Variants in NRG3 observed in about 807,000 individuals in gnomAD.
NRG3 encodes pro-neuregulin-3, membrane-bound isoform.
A neutral mutation model predicts 66.9 loss-of-function variants in NRG3; 31 were observed. The ratio of observed to expected loss-of-function variants is 0.46; its 90% CI spans 0.35 to 0.63. The LOEUF (loss-of-function observed/expected upper bound fraction) is 0.63, where lower values mean the gene tolerates loss of function less well. Ranked by LOEUF, NRG3 falls within the 20% of genes least tolerant of loss-of-function variation. NRG3 has a pLI of 0.00. For synonymous variants in NRG3, 393 were observed against 359.4 expected (o/e 1.09, Z -1.06); for missense variants, 910 against 878.9 (o/e 1.04, Z -0.45).
At chr10:81,965,755 T>TATATTTTG (rs1419803997) in intron 1 of NRG3, among the ~76,000 whole-genome samples, 2 of 152,184 alleles carry the variant, frequency 1.3e-5, no homozygotes, top group African/African-American at 4.8e-5. Context: ...CTTGAATCTG[T>TATATTTTG]ATATTTTGAT....
intron 6 of NRG3, 85 bp downstream of exon 6, chr10:82,959,160 G>C: frequency 7.0e-7 from 1 of 1,423,810 alleles, no homozygotes; most frequent in Non-Finnish European, 9.3e-7. Flanking sequence ...GATCAGACTT[G>C]TAAATATTTT....
intron 2 of NRG3, among the ~76,000 whole-genome samples, chr10:82,386,935 G>A (rs2086037376): frequency 6.6e-6 from 1 of 152,126 alleles, no homozygotes; most frequent in African/African-American, 2.4e-5. Flanking sequence ...GAGTAGCTGG[G>A]TTTACAGGCA....
At chr10:81,920,878 C>CT (rs1202034348) in intron 1 of NRG3, among the ~76,000 whole-genome samples, 14 of 152,082 alleles carry the variant, frequency 9.2e-5, no homozygotes, top group African/African-American at 3.4e-4. Flanking sequence ...AACAGGATTC[C>CT]TTTGTTCATT....
chr10:82,812,055 G>A (rs187134966), intron 3 of NRG3, among the ~76,000 whole-genome samples: 13 of 152,300 alleles, frequency 8.5e-5, no homozygotes, highest in Non-Finnish European at 1.2e-4. Flanking sequence ...TAGCTCAGCT[G>A]AGTTAAATGA....
chr10:82,897,685 A>G (rs1293456048), intron 4 of NRG3, among the ~76,000 whole-genome samples: 2 of 151,844 alleles, frequency 1.3e-5, no homozygotes, highest in Non-Finnish European at 2.9e-5. Context: ...TGCCCAGCTA[A>G]TTGTTGTATT....
chr10:82,524,189 A>G (rs374031784), intron 2 of NRG3, among the ~76,000 whole-genome samples: 4 of 152,056 alleles, frequency 2.6e-5, no homozygotes, highest in South Asian at 2.1e-4. Flanking sequence ...ATCATCTCCA[A>G]TAGTAACCCA....
At chr10:82,045,415 T>C (rs2063233732) in intron 1 of NRG3, among the ~76,000 whole-genome samples, 2 of 95,748 alleles carry the variant, frequency 2.1e-5, no homozygotes, top group Non-Finnish European at 4.6e-5. Flanking sequence ...GATGGGGTTG[T>C]TTGTTTTTTT....
At chr10:82,681,579 T>A (rs554855114) in intron 2 of NRG3, among the ~76,000 whole-genome samples, 1 of 152,314 alleles carries the variant, frequency 6.6e-6, no homozygotes, top group East Asian at 1.9e-4. Flanking sequence ...AATATTCTCC[T>A]GAAGTAAATA....
intron 1 of NRG3, among the ~76,000 whole-genome samples, chr10:81,938,191 T>C (rs1163242250): frequency 6.6e-6 from 1 of 152,152 alleles, no homozygotes; most frequent in African/African-American, 2.4e-5. Context: ...TGCTTTTCTT[T>C]CTTTGTTTTG....
intron 6 of NRG3, among the ~76,000 whole-genome samples, chr10:82,969,653 C>T (rs112923764): frequency 1.9e-3 from 290 of 152,330 alleles, no homozygotes; most frequent in African/African-American, 6.8e-3. Flanking sequence ...GAAAATAAAA[C>T]ATTTAATTGG....
At chr10:82,686,009 G>A (rs922581948) in intron 2 of NRG3, among the ~76,000 whole-genome samples, 1 of 152,022 alleles carries the variant, frequency 6.6e-6, no homozygotes. Context: ...ACTGCCTGAG[G>A]CTATTTTACA....
intron 1 of NRG3, among the ~76,000 whole-genome samples, chr10:82,349,543 G>T (rs1361362102): frequency 2.6e-5 from 4 of 152,018 alleles, no homozygotes; most frequent in African/African-American, 9.7e-5. Flanking sequence ...GCCCTCAGAG[G>T]TGGAGCCTAC....
intron 1 of NRG3, among the ~76,000 whole-genome samples, chr10:82,025,447 T>C (rs1244626312): frequency 6.6e-6 from 1 of 151,908 alleles, no homozygotes; most frequent in East Asian, 1.9e-4. Flanking sequence ...TTATAAATAA[T>C]AGTATGTTTA....
chr10:82,170,677 TATATATATATATATATATATGTAA>T (rs2072526150), intron 1 of NRG3, among the ~76,000 whole-genome samples: 2 of 112,984 alleles, frequency 1.8e-5, no homozygotes, highest in African/African-American at 3.9e-5. Flanking sequence ...TATATATATA[TATATATATATATATATATATGTAA>T]ATATATATAG....
intron 1 of NRG3, among the ~76,000 whole-genome samples, chr10:82,345,749 G>A (rs1439328075): frequency 6.6e-6 from 1 of 151,794 alleles, no homozygotes; most frequent in African/African-American, 2.4e-5. Flanking sequence ...TTGAGCAGTG[G>A]TTTGTAGTTA....
intron 2 of NRG3, among the ~76,000 whole-genome samples, chr10:82,387,479 C>A (rs1382210856): frequency 2.0e-5 from 3 of 152,186 alleles, no homozygotes; most frequent in African/African-American, 7.2e-5. Flanking sequence ...TTATAACATT[C>A]TTGTTTTTCA....
intron 4 of NRG3, among the ~76,000 whole-genome samples, chr10:82,936,986 T>C (rs1484071383): frequency 3.3e-5 from 5 of 152,192 alleles, no homozygotes; most frequent in East Asian, 1.9e-4. Context: ...CTGATATTTA[T>C]AAAAGAGATT....
intron 1 of NRG3, among the ~76,000 whole-genome samples, chr10:82,322,520 A>T (rs533076752): frequency 2.6e-5 from 4 of 152,120 alleles, no homozygotes; most frequent in South Asian, 2.1e-4. Flanking sequence ...TATTAAAAGG[A>T]TTATGTTCCA....
At position 82,145,927 on chromosome 10, in the gene NRG3, A is replaced by G. The variant is rs150859348; in HGVS notation, c.824-212812A>G. Among the ~76,000 whole-genome samples the G allele has an allele frequency of 2.3e-3, 354 of 152,296 alleles. 2 individuals are homozygous for G. Among genetic ancestry groups the G allele is most frequent in the African/African-American group, 8.1e-3 (338 of 41,566 alleles). ...ACCAGGGTAAAGAATTAGGTTGCCT[A>G]GAAGGTCAGTGAACCATACAGAACT... On this transcript the variant is annotated intron_variant, in intron 1 of 8. Transcript: ENST00000372141.
Sources: gnomAD v4.1 joint callset for allele counts (sites outside exome capture counted in the v4.1 genomes callset) on GRCh38, gnomAD v4.1.1 for gene constraint, MANE v1.5 for transcripts, NCBI Gene and HGNC (gene_info 2026-07-23, HGNC 2026-07-21) for gene names.